The following OSTN variants were observed in gnomAD, a reference collection of about 807,000 sequenced individuals.
The protein encoded by OSTN is osteocrin.
Under a neutral mutation model 12.0 loss-of-function variants are expected in OSTN, and 9 were observed. That is an observed-to-expected ratio of 0.75 (90% CI 0.45 to 1.30). The LOEUF (loss-of-function observed/expected upper bound fraction) is 1.30. Among genes scored for constraint, OSTN ranks in the 50% most tolerant of loss-of-function variants. OSTN has a pLI of 0.00. For synonymous variants in OSTN, 59 were observed against 56.9 expected (o/e 1.04, Z -0.16); for missense variants, 148 against 152.3 (o/e 0.97, Z 0.15).
intron 4 of OSTN, among the ~76,000 whole-genome samples, chr3:191,250,921 A>G (rs1282905434): frequency 1.3e-5 from 2 of 152,200 alleles, no homozygotes; most frequent in African/African-American, 4.8e-5. Flanking sequence ...TTATTGATGT[A>G]TAAGGGTTAA....
chr3:191,210,213 G>A (rs1714383361), intron 1 of OSTN, among the ~76,000 whole-genome samples: 1 of 152,142 alleles, frequency 6.6e-6, no homozygotes, highest in African/African-American at 2.4e-5. Context: ...CTCACTCTCA[G>A]GAGAGAACAG....
chr3:191,212,793 A>C (rs995283466), intron 2 of OSTN, among the ~76,000 whole-genome samples, 159 bp downstream of exon 2: 1 of 146,278 alleles, frequency 6.8e-6, no homozygotes, highest in African/African-American at 2.5e-5. Context: ...TAGAATATAT[A>C]TTTTATAAAT....
intron 4 of OSTN, among the ~76,000 whole-genome samples, chr3:191,261,626 G>T (rs548761591): frequency 2.0e-5 from 3 of 152,194 alleles, no homozygotes; most frequent in African/African-American, 7.2e-5. Context: ...TTCAAAATAT[G>T]TCAAGGAAGT....
At chr3:191,212,381 T>C in intron 1 of OSTN, 152 bp from the exon 2 acceptor site, 1 of 341,714 alleles carries the variant, frequency 2.9e-6, no homozygotes, top group Non-Finnish European at 5.4e-6. Context: ...TTCTATTAAG[T>C]ATTATTTACG....
intron 3 of OSTN, among the ~76,000 whole-genome samples, chr3:191,224,568 G>A (rs547236332): frequency 6.6e-6 from 1 of 151,926 alleles, no homozygotes. Context: ...AGTGAATATG[G>A]AACATTTATA....
chr3:191,244,132 G>A (rs893643863), intron 3 of OSTN, among the ~76,000 whole-genome samples: 2 of 152,082 alleles, frequency 1.3e-5, no homozygotes, highest in African/African-American at 4.8e-5. Context: ...TATAGGTTCT[G>A]TATGTGTGAA....
chr3:191,202,365 G>A (rs892733584), intron 1 of OSTN, among the ~76,000 whole-genome samples: 9 of 152,184 alleles, frequency 5.9e-5, no homozygotes, highest in African/African-American at 2.2e-4. Context: ...CAGGACAAGC[G>A]GTTGAGGAGT....
At chr3:191,222,497 T>TC (rs1260455533) in intron 3 of OSTN, among the ~76,000 whole-genome samples, 2 of 152,142 alleles carry the variant, frequency 1.3e-5, no homozygotes, top group East Asian at 1.9e-4. Context: ...CCAATGCCTG[T>TC]CCCCCCACAT....
At chr3:191,223,562 A>G (rs1395219992) in intron 3 of OSTN, among the ~76,000 whole-genome samples, 1 of 152,252 alleles carries the variant, frequency 6.6e-6, no homozygotes, top group Non-Finnish European at 1.5e-5. Context: ...ATTAACTGAA[A>G]ATAAAAAATT....
chr3:191,204,573 C>T (rs997486589), intron 1 of OSTN, among the ~76,000 whole-genome samples: 3 of 152,184 alleles, frequency 2.0e-5, no homozygotes, highest in African/African-American at 7.2e-5. Flanking sequence ...CAAAATTCAT[C>T]AGAGACTGGA....
chr3:191,261,170 G>A (rs1171104404), intron 4 of OSTN, among the ~76,000 whole-genome samples: 3 of 152,158 alleles, frequency 2.0e-5, no homozygotes, highest in Non-Finnish European at 4.4e-5. Context: ...AAGGTGCCAA[G>A]GGCTAACTTT....
At chr3:191,256,910 T>G (rs13320317) in intron 4 of OSTN, among the ~76,000 whole-genome samples, 70,200 of 151,846 alleles carry the variant, frequency 0.46, 18,240 homozygotes, top group African/African-American at 0.7. Context: ...GGTTGGGTGT[T>G]GTGGCTCAAG....
chr3:191,212,557 G>A lies in OSTN; in HGVS notation c.25G>A (p.Ala9Thr). The change falls in exon 2 of 5, where the codon GCA (alanine) becomes ACA (threonine). Residue 9 changes from alanine to threonine, a missense_variant. Ala to Thr is a moderately conservative substitution (Grantham distance 58). Transcript: ENST00000682035. Reference sequence around the variant, plus strand: ...GATGCTGGACTGGAGATTGGCAAGTGCACATTTCATCCTGGCTGTGACACT... The same window carrying A: ...GATGCTGGACTGGAGATTGGCAAGTACACATTTCATCCTGGCTGTGACACT... Reference protein sequence around the residue: MLDWRLASAHFILAVTLTL... With the variant: MLDWRLASTHFILAVTLTL... The A allele has an allele frequency of 6.3e-7, 1 of 1,592,050 alleles. No homozygotes were observed. Among genetic ancestry groups the A allele is most frequent in the Non-Finnish European group, 8.6e-7 (1 of 1,165,954 alleles).
At chr3:191,220,412 G>C (rs1256769292) in intron 3 of OSTN, among the ~76,000 whole-genome samples, 2 of 151,960 alleles carry the variant, frequency 1.3e-5, no homozygotes, top group Non-Finnish European at 2.9e-5. Flanking sequence ...AAAAAGAGGA[G>C]AAAAATATAG....
chr3:191,218,496 G>A (rs767685567), intron 2 of OSTN, among the ~76,000 whole-genome samples: 25 of 151,990 alleles, frequency 1.6e-4, no homozygotes, highest in African/African-American at 2.4e-4. Flanking sequence ...GATGGCAGGC[G>A]CCTGTAATCC....
At chr3:191,253,364 T>C (rs1219947945) in intron 4 of OSTN, among the ~76,000 whole-genome samples, 2 of 152,192 alleles carry the variant, frequency 1.3e-5, no homozygotes, top group Non-Finnish European at 2.9e-5. Flanking sequence ...ATGCCTACTA[T>C]AGGGGCCAAA....
intron 4 of OSTN, among the ~76,000 whole-genome samples, chr3:191,255,518 T>C (rs139636870): frequency 6.2e-4 from 95 of 152,338 alleles, no homozygotes; most frequent in African/African-American, 2.2e-3. Context: ...ATAACCAGTG[T>C]CTGCAATTGT....
rs1715685112 is a variant in OSTN at position 191,256,935 on chromosome 3, A to G, written c.*13-5931A>G. 2.0e-5 allele frequency among the ~76,000 whole-genome samples: 3 copies of G among 152,188 alleles called. No homozygotes were observed. The Middle Eastern group carries it at 0.01, about 518-fold the overall frequency. On this transcript the variant is annotated intron_variant, in intron 4 of 4. Transcript: ENST00000682035. ...TGTGGCTCAAGCCTGTAATCCTAGC[A>G]CTTTTGGAGGCCAAGGCAAGAGGAC...
At chr3:191,227,581 TA>T (rs1241243065) in intron 3 of OSTN, among the ~76,000 whole-genome samples, 12 of 152,256 alleles carry the variant, frequency 7.9e-5, no homozygotes, top group Non-Finnish European at 1.3e-4. Context: ...ACTTTTTATT[TA>T]AAAAATAAAA....
Sources: gnomAD v4.1 joint callset for allele counts (sites outside exome capture counted in the v4.1 genomes callset) on GRCh38, gnomAD v4.1.1 for gene constraint, MANE v1.5 for transcripts, NCBI Gene and HGNC (gene_info 2026-07-23, HGNC 2026-07-21) for gene names.